Variants in ARL15 observed in about 807,000 individuals in gnomAD.
The protein encoded by ARL15 is ARF like GTPase 15.
Under a neutral mutation model 25.2 loss-of-function variants are expected in ARL15, and 19 were observed. The ratio of observed to expected loss-of-function variants is 0.75; its 90% CI spans 0.53 to 1.10. The LOEUF (loss-of-function observed/expected upper bound fraction) is 1.10, where lower values mean the gene tolerates loss of function less well. Ranked by LOEUF, ARL15 falls within the 50% of genes least tolerant of loss-of-function variation. ARL15 has a pLI of 0.00. For missense variants in ARL15, 220 were observed against 246.0 expected, an observed-to-expected ratio of 0.89 and a Z score of 0.71; for synonymous variants, 94 against 86.8, an observed-to-expected ratio of 1.08 and a Z score of -0.46.
At chr5:54,226,347 C>G (rs1343776076) in intron 1 of ARL15, among the ~76,000 whole-genome samples, 1 of 152,186 alleles carries the variant, frequency 6.6e-6, no homozygotes, top group Non-Finnish European at 1.5e-5. Flanking sequence ...AAGGCTGTGA[C>G]TGGAAGACAG....
At chr5:54,084,157 G>C (rs274369) in intron 4 of ARL15, among the ~76,000 whole-genome samples, 105,615 of 152,004 alleles carry the variant, frequency 0.69, 37,076 homozygotes, top group Non-Finnish European at 0.74. Context: ...ACTGCAGGCC[G>C]TTGGAGTGCT....
In ARL15 at chr5:53,977,216, G is replaced by C. The variant is rs537332185; in HGVS notation, c.463-90503C>G. 3.3e-3 allele frequency among the ~76,000 whole-genome samples: 500 copies of C among 152,128 alleles called. 3 individuals carry two copies. Among genetic ancestry groups the C allele is most frequent in the African/African-American group, 0.012 (485 of 41,506 alleles). ...ACTAAAAATACAAAAAATTAGCCGG[G>C]CGTGGTGGCGGGCGCCTGTAGTCCC... On this transcript the variant is annotated intron_variant, in intron 4 of 4. Transcript: ENST00000504924.
At chr5:54,028,511 T>TAAAAA (rs71598893) in intron 4 of ARL15, among the ~76,000 whole-genome samples, 1 of 144,982 alleles carries the variant, frequency 6.9e-6, no homozygotes, top group African/African-American at 2.6e-5. Flanking sequence ...TTTAGTAAAT[T>TAAAAA]AAAAAAAAAA....
chr5:54,015,020 C>T (rs903142674), intron 4 of ARL15, among the ~76,000 whole-genome samples: 9 of 151,922 alleles, frequency 5.9e-5, no homozygotes, highest in African/African-American at 1.5e-4. Flanking sequence ...AGGCCAGGCG[C>T]GGTGGCTCAC....
intron 1 of ARL15, among the ~76,000 whole-genome samples, chr5:54,269,707 G>A (rs1032011246): frequency 3.3e-5 from 5 of 152,078 alleles, no homozygotes; most frequent in South Asian, 2.1e-4. Context: ...GTGCGGTGGC[G>A]CGATCTCGGC....
intron 1 of ARL15, among the ~76,000 whole-genome samples, chr5:54,253,160 A>ACGGCATTTTATGGCTTCT: frequency 6.6e-6 from 1 of 152,330 alleles, no homozygotes; most frequent in Middle Eastern, 3.4e-3. Flanking sequence ...CTATAGGTAT[A>ACGGCATTTTATGGCTTCT]CGGCATTTTA....
intron 2 of ARL15, among the ~76,000 whole-genome samples, chr5:54,167,253 T>C (rs977040097): frequency 6.6e-6 from 1 of 152,160 alleles, no homozygotes; most frequent in Non-Finnish European, 1.5e-5. Flanking sequence ...TGAAAATCTT[T>C]AGTGTTCTCT....
intron 4 of ARL15, among the ~76,000 whole-genome samples, chr5:54,042,219 T>G (rs1319351042): frequency 6.6e-6 from 1 of 152,206 alleles, no homozygotes; most frequent in Non-Finnish European, 1.5e-5. Flanking sequence ...TCCGCCCACC[T>G]CAGCCTCCCA....
At chr5:54,190,136 A>T (rs1197039102) in intron 1 of ARL15, among the ~76,000 whole-genome samples, 1 of 152,210 alleles carries the variant, frequency 6.6e-6, no homozygotes, top group East Asian at 1.9e-4. Context: ...TCACGCCTGT[A>T]ATTCCAGCAC....
intron 1 of ARL15, among the ~76,000 whole-genome samples, chr5:54,281,383 G>T (rs1758061203): frequency 6.6e-6 from 1 of 152,144 alleles, no homozygotes; most frequent in African/African-American, 2.4e-5. Context: ...CAGGTGATCT[G>T]CCTTAAGTGC....
At chr5:54,265,576 G>A (rs1226275143) in intron 1 of ARL15, among the ~76,000 whole-genome samples, 2 of 152,082 alleles carry the variant, frequency 1.3e-5, no homozygotes, top group Non-Finnish European at 2.9e-5. Flanking sequence ...GAGGGACTCC[G>A]AATTATTTCA....
intron 4 of ARL15, among the ~76,000 whole-genome samples, chr5:54,021,172 C>G (rs1003584407): frequency 2.6e-5 from 4 of 151,802 alleles, no homozygotes; most frequent in African/African-American, 9.7e-5. Context: ...CCTGTCTCTA[C>G]TAAAAATACA....
At chr5:53,997,963 C>T (rs1748735317) in intron 4 of ARL15, among the ~76,000 whole-genome samples, 2 of 151,952 alleles carry the variant, frequency 1.3e-5, no homozygotes, top group Non-Finnish European at 2.9e-5. Context: ...TAATCCCTCA[C>T]CTTAAACACT....
intron 4 of ARL15, among the ~76,000 whole-genome samples, chr5:54,054,713 C>CAGGAGGATGG (rs1750805996): frequency 6.6e-6 from 1 of 152,086 alleles, no homozygotes; most frequent in Non-Finnish European, 1.5e-5. Flanking sequence ...TGGCGTGAAC[C>CAGGAGGATGG]CAGAAGGCGG....
chr5:53,953,697 T>G (rs1747050373), intron 4 of ARL15, among the ~76,000 whole-genome samples: 1 of 152,130 alleles, frequency 6.6e-6, no homozygotes, highest in African/African-American at 2.4e-5. Context: ...TGCCGACGCC[T>G]GAAGGAAGAG....
intron 4 of ARL15, among the ~76,000 whole-genome samples, chr5:53,946,908 A>G (rs1746754425): frequency 6.6e-6 from 1 of 152,242 alleles, no homozygotes; most frequent in African/African-American, 2.4e-5. Flanking sequence ...GTCATAATCA[A>G]GCAAAGCTAA....
At chr5:54,029,314 C>CCACCAA (rs879541957) in intron 4 of ARL15, among the ~76,000 whole-genome samples, 1,569 of 117,414 alleles carry the variant, frequency 0.013, 40 homozygotes, top group Admixed American at 0.02. Flanking sequence ...GTTACCACCA[C>CCACCAA]CACCACCACC....
chr5:54,071,522 C>A lies in ARL15; in HGVS notation c.462+41680G>T, dbSNP rs397778579. Among the ~76,000 whole-genome samples the A allele has an allele frequency of 2.7e-4, 30 of 111,756 alleles. 2 individuals carry two copies. The highest frequency in any genetic ancestry group is 4.8e-4 in the Non-Finnish European group (27 of 56,254). The allele number at this position is 111,756 out of a possible 152,430, so 73.3% of individuals were successfully genotyped here. A position where few individuals can be genotyped will look rare whatever the true frequency, so the allele number is the denominator to read the frequency against. On this transcript the variant is annotated intron_variant, in intron 4 of 4. Coordinates refer to ENST00000504924, the MANE Select transcript of ARL15 (RefSeq NM_019087.3). ...CTTCCACCGCCTTTCCCCCCCCCCC[C>A]CCCGCAAAGCCAGACCCAACCTCTG...
chr5:53,921,937 C>A (rs1259411648), intron 4 of ARL15, among the ~76,000 whole-genome samples: 1 of 152,176 alleles, frequency 6.6e-6, no homozygotes, highest in Non-Finnish European at 1.5e-5. Flanking sequence ...ATGTCTAATT[C>A]AGTTCTAGAA....
Sources: gnomAD v4.1 joint callset for allele counts (sites outside exome capture counted in the v4.1 genomes callset) on GRCh38, gnomAD v4.1.1 for gene constraint, MANE v1.5 for transcripts, NCBI Gene and HGNC (gene_info 2026-07-23, HGNC 2026-07-21) for gene names.